Variants in MTREX observed in about 807,000 individuals in gnomAD.
The protein encoded by MTREX is Mtr4 exosome RNA helicase.
In MTREX, 76 loss-of-function variants were observed where a neutral mutation model predicts 135.4. The observed-to-expected ratio is 0.56, with a 90% CI of 0.47 to 0.68. The LOEUF (loss-of-function observed/expected upper bound fraction) is 0.68, where lower values mean the gene tolerates loss of function less well. MTREX is among the 30% of genes least tolerant of loss of function. The probability of loss-of-function intolerance (pLI) is 0.00; values close to 1 mark genes in which losing one functional copy is unlikely to be tolerated. For missense variants in MTREX, 920 were observed against 1,262.1 expected, an observed-to-expected ratio of 0.73 and a Z score of 4.11; for synonymous variants, 404 against 401.6, an observed-to-expected ratio of 1.01 and a Z score of -0.07.
intron 16 of MTREX, among the ~76,000 whole-genome samples, chr5:55,371,068 A>C (rs886892629): frequency 2.0e-5 from 3 of 152,296 alleles, no homozygotes; most frequent in African/African-American, 2.4e-5. Context: ...ATGCATACTT[A>C]ATCTTAGTCT....
intron 16 of MTREX, among the ~76,000 whole-genome samples, chr5:55,376,182 C>CT: frequency 6.6e-6 from 1 of 152,316 alleles, no homozygotes; most frequent in South Asian, 2.1e-4. Context: ...AAATTTGTTG[C>CT]TTTAATTTAG....
intron 16 of MTREX, among the ~76,000 whole-genome samples, chr5:55,367,484 CA>C (rs200853559): frequency 0.027 from 2,759 of 102,682 alleles, 76 homozygotes; most frequent in African/African-American, 0.077. Context: ...GACTCCGACT[CA>C]AAAAAAAAAA....
At chr5:55,357,865 GTT>G (rs1355189196) in intron 14 of MTREX, among the ~76,000 whole-genome samples, 5 of 152,198 alleles carry the variant, frequency 3.3e-5, no homozygotes, top group Non-Finnish European at 7.3e-5. Flanking sequence ...CTATCAGGTT[GTT>G]CCTGGTGACA....
intron 1 of MTREX, among the ~76,000 whole-genome samples, chr5:55,313,471 T>G (rs1281759542): frequency 6.6e-6 from 1 of 152,106 alleles, no homozygotes; most frequent in Non-Finnish European, 1.5e-5. Context: ...TCATTCCTGC[T>G]GACAATTACA....
rs1285626461 is a variant in MTREX, at chr5:55,322,332, G to A, written c.140G>A (p.Arg47His). ...CCAAACTATTTACTTTTCAGGAAAC[G>A]TTTTGATGGTAAATTACAATCAGAA... The part of the protein sequence containing the change: ...PPGSADKAGK[R>H]FDGKLQSEST... Residue 47 changes from arginine to histidine, a missense_variant, in exon 2 of 27, where the codon CGT becomes CAT. By Grantham distance (29) the Arg-to-His change is conservative. Transcript: ENST00000230640. 10 of 1,594,896 alleles carry A rather than the reference G, an allele frequency of 6.3e-6. No individual in the cohort carries two copies. Among genetic ancestry groups the A allele is most frequent in the African/African-American group, 4.1e-5 (3 of 73,556 alleles).
intron 3 of MTREX, among the ~76,000 whole-genome samples, chr5:55,326,251 T>A (rs1413341008): frequency 6.6e-6 from 1 of 151,764 alleles, no homozygotes; most frequent in Non-Finnish European, 1.5e-5. Context: ...ACAAAAAAAA[T>A]TAACCAGGCA....
At chr5:55,330,071 A>G (rs1254481350) in intron 5 of MTREX, among the ~76,000 whole-genome samples, 1 of 151,816 alleles carries the variant, frequency 6.6e-6, no homozygotes, top group African/African-American at 2.4e-5. Flanking sequence ...ATTGAGTGCT[A>G]CTTTTTTATT....
At chr5:55,354,567 A>G (rs1749879739) in intron 14 of MTREX, among the ~76,000 whole-genome samples, 1 of 152,188 alleles carries the variant, frequency 6.6e-6, no homozygotes, top group Non-Finnish European at 1.5e-5. Flanking sequence ...ATTTTTCATG[A>G]TGTGTTTTAT....
rs762289552 is a variant in MTREX at position 55,307,996 on chromosome 5, C to G, written c.-18C>G. The G allele has an allele frequency of 6.2e-7, 1 of 1,614,118 alleles. No individual in the cohort carries two copies. The highest frequency in any genetic ancestry group is 8.5e-7 in the Non-Finnish European group (1 of 1,180,022). ...GCATCGTGGGTAGGAGGGAGATTTG[C>G]TCTCACTGCTCCCAAAAATGGCGGA... On this transcript the variant is annotated 5_prime_UTR_variant, in exon 1 of 27. Coordinates refer to ENST00000230640, the MANE Select transcript of MTREX (RefSeq NM_015360.5).
chr5:55,422,809 C>A, intron 25 of MTREX, 69 bp from the exon 26 acceptor site: 2 of 1,243,934 alleles, frequency 1.6e-6, no homozygotes, highest in South Asian at 1.4e-5. Flanking sequence ...CCTGCCTTGC[C>A]TCTTAACAAA....
At chr5:55,328,129 T>A (rs900622404) in intron 4 of MTREX, among the ~76,000 whole-genome samples, 2 of 152,170 alleles carry the variant, frequency 1.3e-5, no homozygotes, top group African/African-American at 4.8e-5. Flanking sequence ...GTGCTTTTTT[T>A]AGACGGATTT....
At position 55,425,337 on chromosome 5, in the gene MTREX, A is replaced by G; in HGVS notation, c.*565A>G. 6.3e-7 allele frequency: 1 copy of G among 1,592,044 alleles called. No individual in the cohort carries two copies. Among genetic ancestry groups the G allele is most frequent in the Non-Finnish European group, 8.6e-7 (1 of 1,164,502 alleles). On this transcript the variant is annotated 3_prime_UTR_variant, in exon 27 of 27. Coordinates refer to ENST00000230640, the MANE Select transcript of MTREX (RefSeq NM_015360.5). ...AAGAAATCCGATACATATACAGCCT[A>G]CAGTGCAAAATATTTAATGGTATAA...
intron 25 of MTREX, 105 bp from the exon 26 acceptor site, chr5:55,422,773 A>G (rs562762188): frequency 1.4e-5 from 11 of 785,680 alleles, no homozygotes; most frequent in Non-Finnish European, 2.3e-5. Context: ...AAGTCCCTCA[A>G]AGTACTATTA....
intron 1 of MTREX, among the ~76,000 whole-genome samples, chr5:55,310,750 C>G (rs1293175908): frequency 6.6e-6 from 1 of 152,164 alleles, no homozygotes; most frequent in African/African-American, 2.4e-5. Context: ...ATTTAGTATT[C>G]TAGATCAAGT....
chr5:55,418,801 A>G (rs1751011432), intron 25 of MTREX, among the ~76,000 whole-genome samples: 1 of 152,058 alleles, frequency 6.6e-6, no homozygotes, highest in African/African-American at 2.4e-5. Flanking sequence ...TAGTGCTTCC[A>G]TTTCAAGAAT....
At chr5:55,394,361 T>G (rs527698911) in intron 19 of MTREX, among the ~76,000 whole-genome samples, 247 of 152,332 alleles carry the variant, frequency 1.6e-3, no homozygotes, top group Non-Finnish European at 2.1e-3. Context: ...CAATGCAGCT[T>G]ACAGAATGTT....
chr5:55,400,714 G>T (rs966742269), intron 21 of MTREX, among the ~76,000 whole-genome samples: 2 of 152,088 alleles, frequency 1.3e-5, no homozygotes, highest in Non-Finnish European at 2.9e-5. Context: ...CCAACTCACT[G>T]GTTTTTAGTG....
At chr5:55,309,359 TGGTTGGCAGA>T (rs369914327) in intron 1 of MTREX, among the ~76,000 whole-genome samples, 13 of 152,202 alleles carry the variant, frequency 8.5e-5, no homozygotes, top group African/African-American at 2.9e-4. Context: ...AATTTGGCAG[TGGTTGGCAGA>T]GTACTATAAT....
At position 55,338,852 on chromosome 5, in the gene MTREX, G is replaced by A. The variant is rs1224923490; in HGVS notation, c.516-1158G>A. Among the ~76,000 whole-genome samples, 7 of 136,028 alleles carry A rather than the reference G, an allele frequency of 5.1e-5. No homozygotes were observed. The East Asian group carries it at 7.0e-4, about 14-fold the overall frequency. 89.2% of individuals were successfully genotyped at this position (136,028 alleles called of 152,430 possible). A position where few individuals can be genotyped will look rare whatever the true frequency, so the allele number is the denominator to read the frequency against. On this transcript the variant is annotated intron_variant, in intron 5 of 26. Coordinates refer to ENST00000230640, the MANE Select transcript of MTREX (RefSeq NM_015360.5). The stretch of plus-strand genomic sequence containing the variant: ...GTCACCCAGGCTGGAGTACAATGAC[G>A]TGATGTTGGCTCACTGCAGCCTCCA...
Sources: gnomAD v4.1 joint callset for allele counts (sites outside exome capture counted in the v4.1 genomes callset) on GRCh38, gnomAD v4.1.1 for gene constraint, MANE v1.5 for transcripts, NCBI Gene and HGNC (gene_info 2026-07-23, HGNC 2026-07-21) for gene names.